Variants in FBXW5 observed in about 807,000 individuals in gnomAD.
FBXW5 encodes the protein F-box and WD repeat domain containing 5, also known as F-box/WD repeat-containing protein 5.
Under a neutral mutation model 50.9 loss-of-function variants are expected in FBXW5, and 74 were observed. The observed-to-expected ratio is 1.45, with a 90% CI of 1.20 to 1.76. The LOEUF (loss-of-function observed/expected upper bound fraction) is 1.76. Among genes scored for constraint, FBXW5 ranks in the 40% most tolerant of loss-of-function variants. The pLI, the probability that FBXW5 is intolerant of heterozygous loss-of-function variation, is 0.00. For missense variants in FBXW5, 1,073 were observed against 818.8 expected, an observed-to-expected ratio of 1.31 and a Z score of -3.79; for synonymous variants, 523 against 362.2, an observed-to-expected ratio of 1.44 and a Z score of -5.04.
Position 136,940,582 on chromosome 9 carries a change from G to A in FBXW5, c.*346C>T, listed in dbSNP as rs1460391612. 6 of 333,952 alleles carry A rather than the reference G, an allele frequency of 1.8e-5. No homozygotes were observed. Among genetic ancestry groups the A allele is most frequent in the East Asian group, 1.3e-4 (2 of 14,924 alleles). 20.7% of individuals were successfully genotyped at this position (333,952 alleles called of 1,614,324 possible). A position where few individuals can be genotyped will look rare whatever the true frequency, so the allele number is the denominator to read the frequency against. On this transcript the variant is annotated 3_prime_UTR_variant, in exon 9 of 9. Transcript: ENST00000325285. ...CAGCCCCTGCCACCACTGGGCCACC[G>A]TCCAGGGCCCCACAGGACCAGCCGA...
Position 136,943,895 on chromosome 9 carries a change from G to C in FBXW5, c.189C>G (p.His63Gln). 1 of 1,549,866 alleles carries C rather than the reference G, an allele frequency of 6.5e-7. No homozygotes were observed. Among genetic ancestry groups the C allele is most frequent in the Non-Finnish European group, 8.7e-7 (1 of 1,146,762 alleles). Reference protein sequence around the residue: ...YYQVARDVPRHPAAMSWYEEF... With the variant: ...YYQVARDVPRQPAAMSWYEEF... ...GGGGCCCCACACGCCACTGACCTGGGTGTCGGGGCACGTCGCGGGCCACCT... is the reference window on the plus strand; with the variant it reads ...GGGGCCCCACACGCCACTGACCTGGCTGTCGGGGCACGTCGCGGGCCACCT... The change falls in exon 2 of 9, where the codon CAC (histidine) becomes CAG (glutamine). Residue 63 changes from histidine to glutamine, a missense_variant. Physicochemically the swap from His to Gln is conservative, Grantham distance 24 (BLOSUM62 0). Transcript: ENST00000325285.
At position 136,942,776 on chromosome 9, in the gene FBXW5, G is replaced by A. The variant is rs1337720840; in HGVS notation, c.519C>T (p.Ile173=). The A allele has an allele frequency of 6.2e-7, 1 of 1,612,710 alleles. No homozygotes were observed. The highest frequency in any genetic ancestry group is 1.7e-5 in the Admixed American group (1 of 59,978). The change falls in exon 4 of 9, where the codon ATC becomes ATT. Residue 173 remains isoleucine, a synonymous_variant. Transcript: ENST00000325285. ...HNSSSGEIAV[I]SLDSFALLSR... ...CCCGCCGCCCGTGCTCACCTAGGCT[G>A]ATGACAGCAATCTCGCCGGATGAGG...
rs1287703625 is a variant in FBXW5, at chr9:136,942,333, C to T, written c.809G>A (p.Gly270Asp). 2.5e-6 allele frequency: 4 copies of T among 1,601,798 alleles called. No individual in the cohort carries two copies. ...GCGGCAGGGGGACGTGGCCGGGTCA[C>T]CGGCTTCCAGCAGCAGGTCAGGGCT... is the stretch of plus-strand genomic sequence containing the variant. Reference protein sequence around the residue: ...FDSPDLLLEAGDPATSPCRIF... With the variant: ...FDSPDLLLEADDPATSPCRIF... Residue 270 changes from glycine (G) to aspartate (D), a missense_variant, in exon 6 of 9, where the codon GGT (glycine) becomes GAT (aspartate). Physicochemically the swap from Gly to Asp is moderately conservative, Grantham distance 94. Coordinates refer to ENST00000325285, the MANE Select transcript of FBXW5 (RefSeq NM_018998.4).
chr9:136,943,255 CCCCCA>C, intron 3 of FBXW5, 89 bp downstream of exon 3: 3 of 1,242,896 alleles, frequency 2.4e-6, no homozygotes, highest in Non-Finnish European at 2.3e-6. Context: ...CCCACCCCCC[CCCCCA>C]CCACCACCTG....
chr9:136,941,027 G>A lies in FBXW5; in HGVS notation c.1602C>T (p.Thr534=), dbSNP rs1564431858. The part of the protein sequence containing the change: ...ELLLTASDDA[T]IKAWRSPRTM... ...TGCGTGGGGAGCGCCAGGCTTTGAT[G>A]GTGGCGTCGTCGCTGGCCGTGAGCA... Residue 534 remains threonine, a synonymous_variant, in exon 9 of 9, where the codon ACC becomes ACT. Coordinates refer to ENST00000325285, the MANE Select transcript of FBXW5 (RefSeq NM_018998.4). 1 of 1,553,340 alleles carries A rather than the reference G, an allele frequency of 6.4e-7. No homozygotes were observed. The highest frequency in any genetic ancestry group is 8.7e-7 in the Non-Finnish European group (1 of 1,148,240).
chr9:136,942,283 CGTT>C lies in FBXW5; in HGVS notation c.856_858del (p.Asn286del), dbSNP rs1245254670. ...GGGGCCGGGCCAGCCACCACCTCCT[CGTT>C]GTCGCTGCCCAGGTCAAAGATGCGG... On this transcript the variant is annotated inframe_deletion, in exon 6 of 9. Transcript: ENST00000325285. 1 of 1,586,352 alleles carries C rather than the reference CGTT, an allele frequency of 6.3e-7. No homozygotes were observed. The highest frequency in any genetic ancestry group is 2.3e-5 in the East Asian group (1 of 43,378).
chr9:136,944,179 A>G (rs1165409362), intron 1 of FBXW5, 73 bp from the exon 2 acceptor site: 145 of 1,419,086 alleles, frequency 1.0e-4, no homozygotes, highest in Non-Finnish European at 1.2e-4. Context: ...CTGTTCCTCC[A>G]GCCCCAACCG....
In FBXW5 at chr9:136,940,914, G is replaced by GCACCCAGCA; in HGVS notation, c.*5_*13dup. 10 of 1,575,716 alleles carry GCACCCAGCA rather than the reference G, an allele frequency of 6.3e-6. No individual in the cohort carries two copies. Among genetic ancestry groups the GCACCCAGCA allele is most frequent in the Non-Finnish European group, 8.6e-6 (10 of 1,163,460 alleles). ...CTCAAGGGGTCCCGGTGGCTCCAGT[G>GCACCCAGCA]CACCCAGCACACCTCAGCGCCTCTG... On this transcript the variant is annotated 3_prime_UTR_variant, in exon 9 of 9. Coordinates refer to ENST00000325285, the MANE Select transcript of FBXW5 (RefSeq NM_018998.4).
rs374757784 is a variant in FBXW5, at chr9:136,941,273, C to T, written c.1435G>A (p.Val479Ile). ...CACCTGGCCACGAAGTCCCTGCTGA[C>T]GTCCAGGAAGATGAAGAAGCACTCG... is the stretch of plus-strand genomic sequence containing the variant. ...NDECFFIFLD[V>I]SRDFVASGAE... The change falls in exon 8 of 9, where the codon GTC (valine) becomes ATC (isoleucine). Residue 479 changes from valine (V) to isoleucine (I), a missense_variant. Coordinates refer to ENST00000325285, the MANE Select transcript of FBXW5 (RefSeq NM_018998.4). 83 of 1,606,566 alleles carry T rather than the reference C, an allele frequency of 5.2e-5. No individual in the cohort carries two copies. Among genetic ancestry groups the T allele is most frequent in the Middle Eastern group, 1.6e-4 (1 of 6,084 alleles).
rs1564436010 is a variant in FBXW5 at position 136,942,801 on chromosome 9, G to A, written c.494C>T (p.Ser165Phe). ...GATGACAGCAATCTCGCCGGATGAG[G>A]AGTTGTGCGGCCCCAGGAACACCCC... ...ASGVFLGPHN[S>F]SSGEIAVISL... The change falls in exon 4 of 9, where the codon TCC becomes TTC. Residue 165 changes from serine (S) to phenylalanine (F), a missense_variant. By Grantham distance (155) the Ser-to-Phe change is radical. Coordinates refer to ENST00000325285, the MANE Select transcript of FBXW5 (RefSeq NM_018998.4). The A allele has an allele frequency of 1.2e-6, 2 of 1,613,216 alleles. No individual in the cohort carries two copies. Among genetic ancestry groups the A allele is most frequent in the Non-Finnish European group, 8.5e-7 (1 of 1,179,954 alleles).
Position 136,943,363 on chromosome 9 carries a change from C to T in FBXW5, c.337G>A (p.Asp113Asn). The T allele has an allele frequency of 1.2e-6, 2 of 1,612,746 alleles. No homozygotes were observed. Among genetic ancestry groups the T allele is most frequent in the Non-Finnish European group, 1.7e-6 (2 of 1,179,886 alleles). ...SGYQFASCSK[D>N]CTVKIWSNDL... ...GCCGTCCTCACCTTCACAGTGCAGT[C>T]CTTGGAGCAGGACGCGAACTGGTAC... The change falls in exon 3 of 9, where the codon GAC becomes AAC. Residue 113 changes from aspartate (D) to asparagine (N), a missense_variant. Transcript: ENST00000325285.
chr9:136,944,721 G>C lies in FBXW5; in HGVS notation c.-151C>G, dbSNP rs1850971723. The C allele has an allele frequency of 1.0e-6, 1 of 985,510 alleles. No individual in the cohort carries two copies. The allele number at this position is 985,510 out of a possible 1,614,324, so 61.0% of individuals were successfully genotyped here. Reference sequence around the variant, plus strand: ...CGCCAGGCCCGACGCCACGAGCCCCGAGGCATCGATGGCCGAGGAAGGCAG... The same window carrying C: ...CGCCAGGCCCGACGCCACGAGCCCCCAGGCATCGATGGCCGAGGAAGGCAG... On this transcript the variant is annotated 5_prime_UTR_variant, in exon 1 of 9. Coordinates refer to ENST00000325285, the MANE Select transcript of FBXW5 (RefSeq NM_018998.4).
Position 136,942,719 on chromosome 9 carries a change from A to G in FBXW5, c.527-24T>C, listed in dbSNP as rs201523922. The G allele has an allele frequency of 1.4e-3, 2,189 of 1,610,704 alleles. 21 individuals are homozygous for G. The African/African-American group carries it at 0.025, about 18-fold the overall frequency. ...GTCTGTGGGGAGGCCGGGGCTGGACAGGCTGTCGGCGTGGGGCGGGGGCAG... is the reference window on the plus strand; with the variant it reads ...GTCTGTGGGGAGGCCGGGGCTGGACGGGCTGTCGGCGTGGGGCGGGGGCAG... On this transcript the variant is annotated intron_variant, in intron 4 of 8. Coordinates refer to ENST00000325285, the MANE Select transcript of FBXW5 (RefSeq NM_018998.4).
At position 136,944,099 on chromosome 9, in the gene FBXW5, A is replaced by G; in HGVS notation, c.-16T>C. On this transcript the variant is annotated 5_prime_UTR_variant, in exon 2 of 9. Coordinates refer to ENST00000325285, the MANE Select transcript of FBXW5 (RefSeq NM_018998.4). ...CCTCGTCCATCGTGACATTCTGCCC[A>G]GGCGGCCCTGAAACCCACCAACGGC... is the stretch of plus-strand genomic sequence containing the variant. 1 of 1,573,880 alleles carries G rather than the reference A, an allele frequency of 6.4e-7. No homozygotes were observed. Among genetic ancestry groups the G allele is most frequent in the South Asian group, 1.2e-5 (1 of 85,846 alleles).
chr9:136,943,785 G>A (rs1300467461), intron 2 of FBXW5, 106 bp downstream of exon 2: 7 of 1,286,498 alleles, frequency 5.4e-6, no homozygotes, highest in Admixed American at 2.3e-5. Flanking sequence ...GGGTGAGCAT[G>A]GACACGCGGG....
At chr9:136,943,284 G>A (rs2131359306) in intron 3 of FBXW5, 65 bp downstream of exon 3, 1 of 1,550,088 alleles carries the variant, frequency 6.5e-7, no homozygotes, top group Non-Finnish European at 8.8e-7. Context: ...GGAACGCCTG[G>A]GTCCTGGGAC....
At chr9:136,943,702 A>G (rs569670967) in intron 2 of FBXW5, among the ~76,000 whole-genome samples, 189 bp downstream of exon 2, 3 of 152,238 alleles carry the variant, frequency 2.0e-5, no homozygotes, top group Non-Finnish European at 2.9e-5. Context: ...AAGTGACCCA[A>G]TGAACCCTCT....
Position 136,942,874 on chromosome 9 carries a change from T to G in FBXW5, c.421A>C (p.Thr141Pro). Residue 141 changes from threonine (T) to proline (P), a missense_variant, in exon 4 of 9, where the codon ACC becomes CCC. Coordinates refer to ENST00000325285, the MANE Select transcript of FBXW5 (RefSeq NM_018998.4). ...ADMRPYNWSY[T>P]QFSQFNKDDS... ...TCCTTGTTGAACTGGGAGAACTGGGTGTAGCTCCAGTTGTAGGGCCGCATG... is the reference window on the plus strand; with the variant it reads ...TCCTTGTTGAACTGGGAGAACTGGGGGTAGCTCCAGTTGTAGGGCCGCATG... The G allele has an allele frequency of 6.2e-7, 1 of 1,613,238 alleles. No individual in the cohort carries two copies.
rs773566834 is a variant in FBXW5, at chr9:136,942,397, C to T, written c.745G>A (p.Val249Ile). 9.9e-6 allele frequency: 16 copies of T among 1,610,966 alleles called. No individual in the cohort carries two copies. Among genetic ancestry groups the T allele is most frequent in the East Asian group, 8.9e-5 (4 of 44,832 alleles). Residue 249 changes from valine to isoleucine, a missense_variant, in exon 6 of 9, where the codon GTC becomes ATC. Transcript: ENST00000325285. ...FKIQNLNAST[V>I]RTVMVADCSR... is the part of the protein sequence containing the mutation. The stretch of plus-strand genomic sequence containing the variant: ...CAGTCGGCCACCATCACCGTGCGGA[C>T]GGTGCTGGCATTGAGGTTCTGGATC...
Sources: gnomAD v4.1 joint callset for allele counts (sites outside exome capture counted in the v4.1 genomes callset) on GRCh38, gnomAD v4.1.1 for gene constraint, MANE v1.5 for transcripts, NCBI Gene and HGNC (gene_info 2026-07-23, HGNC 2026-07-21) for gene names.